Variants in ACSM1 observed in about 807,000 individuals in gnomAD.
The protein encoded by ACSM1 is acyl-CoA synthetase medium chain family member 1, also known as acyl-coenzyme A synthetase ACSM1, mitochondrial.
A neutral mutation model predicts 75.8 loss-of-function variants in ACSM1; 79 were observed. The ratio of observed to expected loss-of-function variants is 1.04; its 90% confidence interval spans 0.87 to 1.26. ACSM1 has a LOEUF of 1.26. ACSM1 is among the 50% of genes most tolerant of loss of function. The pLI is 0.00. For missense variants in ACSM1, 676 were observed against 720.1 expected, an observed-to-expected ratio of 0.94 and a Z score of 0.70; for synonymous variants, 279 against 265.8, an observed-to-expected ratio of 1.05 and a Z score of -0.48.
At chr16:20,655,279 A>G (rs2018894047) in intron 7 of ACSM1, among the ~76,000 whole-genome samples, 1 of 151,150 alleles carries the variant, frequency 6.6e-6, no homozygotes, top group South Asian at 2.1e-4. Flanking sequence ...GGAGCACATT[A>G]GGAGATATAC....
intron 10 of ACSM1, among the ~76,000 whole-genome samples, chr16:20,635,112 T>C (rs1367516841): frequency 5.3e-5 from 8 of 152,122 alleles, no homozygotes; most frequent in Non-Finnish European, 7.4e-5. Context: ...AAAAAAAAAT[T>C]AGCTGGGTGC....
chr16:20,669,009 T>C (rs1026327245), intron 6 of ACSM1, among the ~76,000 whole-genome samples: 1 of 152,122 alleles, frequency 6.6e-6, no homozygotes, highest in Admixed American at 6.5e-5. Flanking sequence ...TCTGCAGTGG[T>C]TGTGCAGAGC....
intron 7 of ACSM1, among the ~76,000 whole-genome samples, chr16:20,657,349 C>T (rs2152249284): frequency 6.6e-6 from 1 of 152,014 alleles, no homozygotes; most frequent in Non-Finnish European, 1.5e-5. Context: ...TCTCTTGTCA[C>T]CCAGGCTGGA....
At chr16:20,685,553 G>A (rs562286632) in intron 2 of ACSM1, 150 bp from the exon 3 acceptor site, 2 of 753,246 alleles carry the variant, frequency 2.7e-6, no homozygotes, top group South Asian at 3.4e-5. Context: ...CAGGCGCAGT[G>A]GCTCATGCTT....
At chr16:20,674,984 A>G (rs888852721) in intron 4 of ACSM1, among the ~76,000 whole-genome samples, 4 of 152,142 alleles carry the variant, frequency 2.6e-5, no homozygotes, top group African/African-American at 9.7e-5. Flanking sequence ...ACAAAGTGAA[A>G]GTGGTTCACT....
chr16:20,625,493 C>T lies in ACSM1; in HGVS notation c.1457G>A (p.Ser486Asn), dbSNP rs746894918. Residue 486 changes from serine (S) to asparagine (N), a missense_variant, in exon 12 of 14, where the codon AGC becomes AAC. By Grantham distance (46) the Ser-to-Asn change is conservative (BLOSUM62 1). Transcript: ENST00000520010. Reference protein sequence around the residue: ...GYRIGPAEVESALVEHPAVAE... With the variant: ...GYRIGPAEVENALVEHPAVAE... ...CACCGCTGGGTGCTCCACCAAAGCG[C>T]TTTCAACCTCTGCAGGCCCGATGCG... 15 of 1,614,052 alleles carry T rather than the reference C, an allele frequency of 9.3e-6. No homozygotes were observed.
At chr16:20,682,080 G>T in intron 4 of ACSM1, 176 bp downstream of exon 4, 1 of 600,092 alleles carries the variant, frequency 1.7e-6, no homozygotes. Flanking sequence ...CCCATGAAAT[G>T]CTTAAAAGGT....
chr16:20,658,638 C>A (rs1337720633), intron 7 of ACSM1, among the ~76,000 whole-genome samples: 2 of 152,120 alleles, frequency 1.3e-5, no homozygotes, highest in Non-Finnish European at 2.9e-5. Flanking sequence ...GTGACAAAAC[C>A]TTTTCTCTCC....
rs888485712 is a variant in ACSM1 at position 20,642,504 on chromosome 16, G to T, written c.993-1920C>A. Among the ~76,000 whole-genome samples the T allele has an allele frequency of 2.0e-5, 3 of 152,190 alleles. No individual in the cohort carries two copies. The East Asian group carries it at 5.8e-4, about 29-fold the overall frequency. On this transcript the variant is annotated intron_variant, in intron 7 of 13. Coordinates refer to ENST00000520010, the MANE Select transcript of ACSM1 (RefSeq NM_001318890.3). ...TCTATTCAGAAGGCTAGAGCCAAGG[G>T]AGACCTTGAAGCATGGCAATTTCCC...
At chr16:20,631,675 C>A (rs1338248729) in intron 10 of ACSM1, among the ~76,000 whole-genome samples, 1 of 152,138 alleles carries the variant, frequency 6.6e-6, no homozygotes, top group Admixed American at 6.5e-5. Context: ...CCATGGGATG[C>A]TATTAAGCCA....
chr16:20,655,981 A>G (rs1453475963), intron 7 of ACSM1, among the ~76,000 whole-genome samples: 1 of 152,104 alleles, frequency 6.6e-6, no homozygotes. Context: ...TAATGCAAGA[A>G]GTTTTTAAAT....
intron 7 of ACSM1, among the ~76,000 whole-genome samples, chr16:20,641,550 C>A (rs770283068): frequency 6.6e-6 from 1 of 152,238 alleles, no homozygotes; most frequent in Non-Finnish European, 1.5e-5. Flanking sequence ...AGGTGTTCAT[C>A]ATGCACCTGA....
chr16:20,663,487 T>A (rs1167616244), intron 6 of ACSM1, among the ~76,000 whole-genome samples: 1 of 152,112 alleles, frequency 6.6e-6, no homozygotes, highest in Non-Finnish European at 1.5e-5. Context: ...TTCCTTTGAC[T>A]CCGCCGGACT....
chr16:20,672,732 T>G (rs2020021784), intron 4 of ACSM1, among the ~76,000 whole-genome samples: 1 of 126,176 alleles, frequency 7.9e-6, no homozygotes, highest in African/African-American at 3.2e-5. Flanking sequence ...TGTAAGTATA[T>G]GTAAGTTATA....
chr16:20,672,507 T>G (rs1314416368), intron 4 of ACSM1, among the ~76,000 whole-genome samples: 4 of 123,810 alleles, frequency 3.2e-5, no homozygotes, highest in Admixed American at 1.7e-4. Flanking sequence ...AAAAACATAT[T>G]TATATATTAT....
chr16:20,688,916 A>G (rs954360188), intron 2 of ACSM1, among the ~76,000 whole-genome samples: 1 of 150,504 alleles, frequency 6.6e-6, no homozygotes, highest in Non-Finnish European at 1.5e-5. Context: ...TATTTGTTAC[A>G]GTATTTAAAA....
chr16:20,675,717 T>A (rs774081846), intron 4 of ACSM1, among the ~76,000 whole-genome samples: 14 of 152,192 alleles, frequency 9.2e-5, no homozygotes, highest in Non-Finnish European at 1.6e-4. Context: ...ATTGGCTGTG[T>A]GTTTTAAGGT....
In ACSM1 at chr16:20,691,243, G is replaced by C; in HGVS notation, c.-51-4C>G. On this transcript the variant is annotated splice_polypyrimidine_tract_variant and splice_region_variant and intron_variant, in intron 1 of 13. Coordinates refer to ENST00000520010, the MANE Select transcript of ACSM1 (RefSeq NM_001318890.3). Reference sequence around the variant, plus strand: ...GAGTTCTCAAGTCACCACCTGCCTTGGGAAGAGATGGCTAATAGATTGGCT... The same window carrying C: ...GAGTTCTCAAGTCACCACCTGCCTTCGGAAGAGATGGCTAATAGATTGGCT... 1 of 1,411,824 alleles carries C rather than the reference G, an allele frequency of 7.1e-7. No individual in the cohort carries two copies. The highest frequency in any genetic ancestry group is 1.5e-5 in the South Asian group (1 of 66,648). 87.5% of individuals were successfully genotyped at this position (1,411,824 alleles called of 1,614,324 possible).
intron 3 of ACSM1, among the ~76,000 whole-genome samples, chr16:20,683,114 TTTTA>T (rs746013799): frequency 1.3e-5 from 2 of 151,652 alleles, no homozygotes; most frequent in Non-Finnish European, 2.9e-5. Context: ...TCTTTTTTTC[TTTTA>T]TTTATTTATT....
Sources: allele counts gnomAD v4.1 joint callset (sites outside exome capture counted in the v4.1 genomes callset), GRCh38; gene constraint gnomAD v4.1.1; transcripts MANE v1.5; gene names NCBI Gene and HGNC (gene_info 2026-07-23, HGNC 2026-07-21).